EYS: variants seen among roughly 807,000 people sequenced by gnomAD.
EYS encodes EGF-like photoreceptor maintenance factor, also known as protein eyes shut homolog.
EYS carries 250 observed loss-of-function variants against 282.1 expected under a neutral mutation model. The observed-to-expected ratio is 0.89, with a 90% CI of 0.80 to 0.98. EYS has a LOEUF of 0.98. Among genes scored for constraint, EYS ranks in the 50% least tolerant of loss-of-function variants. EYS has a pLI of 0.00. For missense variants in EYS, 4,016 were observed against 3,709.0 expected, an observed-to-expected ratio of 1.08 and a Z score of -2.15; for synonymous variants, 1,355 against 1,282.9, an observed-to-expected ratio of 1.06 and a Z score of -1.20.
intron 2 of EYS, among the ~76,000 whole-genome samples, chr6:65,638,331 A>T (rs2149812055): frequency 6.6e-6 from 1 of 152,218 alleles, no homozygotes. Context: ...TTTTTTTAAG[A>T]GGCAGGACAA....
intron 35 of EYS, among the ~76,000 whole-genome samples, chr6:63,975,113 A>G (rs1766771097): frequency 6.6e-6 from 1 of 151,952 alleles, no homozygotes; most frequent in Non-Finnish European, 1.5e-5. Flanking sequence ...TGAGACAAAA[A>G]AAAAAAAGAT....
intron 30 of EYS, among the ~76,000 whole-genome samples, chr6:64,296,555 T>TATATATAC (rs1769000236): frequency 1.9e-4 from 1 of 5,386 alleles, no homozygotes; most frequent in East Asian, 3.6e-3. Flanking sequence ...TATATATATA[T>TATATATAC]ATATATATAT....
chr6:65,615,666 G>A (rs1766165207), intron 2 of EYS, among the ~76,000 whole-genome samples: 1 of 152,078 alleles, frequency 6.6e-6, no homozygotes, highest in Non-Finnish European at 1.5e-5. Context: ...CAGGTGCGGT[G>A]GCTCACGCCT....
At chr6:64,671,384 G>C (rs1020754912) in intron 22 of EYS, among the ~76,000 whole-genome samples, 1 of 152,134 alleles carries the variant, frequency 6.6e-6, no homozygotes. Context: ...AGCCATTTAA[G>C]AACCAGAGAG....
chr6:64,749,467 GT>G (rs1407979754), intron 22 of EYS, among the ~76,000 whole-genome samples: 4 of 152,074 alleles, frequency 2.6e-5, no homozygotes, highest in Admixed American at 2.6e-4. Flanking sequence ...GCAAGAAATG[GT>G]TAATTACTTA....
chr6:64,858,495 T>C (rs1766138506), intron 19 of EYS, among the ~76,000 whole-genome samples: 1 of 152,144 alleles, frequency 6.6e-6, no homozygotes, highest in Admixed American at 6.6e-5. Flanking sequence ...GTTTTTATTA[T>C]AATTGCTTTA....
At chr6:64,242,926 AC>A (rs1349692691) in intron 30 of EYS, among the ~76,000 whole-genome samples, 1 of 146,806 alleles carries the variant, frequency 6.8e-6, no homozygotes, top group East Asian at 1.9e-4. Context: ...CATATATCAT[AC>A]TCATTGATAT....
intron 22 of EYS, among the ~76,000 whole-genome samples, chr6:64,626,600 C>T (rs559841334): frequency 7.9e-5 from 12 of 152,194 alleles, no homozygotes; most frequent in African/African-American, 2.9e-4. Flanking sequence ...CGTGAACATG[C>T]ACATAAAGAT....
intron 2 of EYS, among the ~76,000 whole-genome samples, chr6:65,570,294 A>G (rs1462477099): frequency 6.6e-6 from 1 of 152,188 alleles, no homozygotes. Context: ...TAAGAATAGT[A>G]ATGAATTAGC....
intron 38 of EYS, among the ~76,000 whole-genome samples, chr6:63,788,582 A>G (rs537500054): frequency 1.3e-5 from 2 of 152,300 alleles, no homozygotes; most frequent in African/African-American, 4.8e-5. Context: ...ATCAAAAATT[A>G]GAAATCAACA....
chr6:63,785,317 G>A (rs1383626777), intron 39 of EYS, among the ~76,000 whole-genome samples: 1 of 152,126 alleles, frequency 6.6e-6, no homozygotes, highest in Admixed American at 6.5e-5. Flanking sequence ...ATTTTCACTT[G>A]TGGCCTAACC....
intron 26 of EYS, among the ~76,000 whole-genome samples, chr6:64,532,602 G>C (rs1764385247): frequency 6.6e-6 from 1 of 152,016 alleles, no homozygotes; most frequent in South Asian, 2.1e-4. Flanking sequence ...CCAGCTACTC[G>C]GGAGGCTGAG....
At chr6:65,212,080 T>C (rs1582022581) in intron 12 of EYS, among the ~76,000 whole-genome samples, 1 of 145,960 alleles carries the variant, frequency 6.9e-6, no homozygotes, top group East Asian at 1.9e-4. Flanking sequence ...AAATTATTTA[T>C]GCCAGAAAAA....
At chr6:65,681,972 C>T (rs140669701) in intron 1 of EYS, among the ~76,000 whole-genome samples, 1,535 of 152,036 alleles carry the variant, frequency 0.01, 56 homozygotes, top group Admixed American at 0.083. Context: ...ACAGCCTAAT[C>T]ACGTTGACCC....
chr6:63,903,910 A>G (rs1252991678), intron 35 of EYS, among the ~76,000 whole-genome samples: 1 of 152,216 alleles, frequency 6.6e-6, no homozygotes, highest in Non-Finnish European at 1.5e-5. Flanking sequence ...AGAATCTAAG[A>G]TGTTCTGAAA....
intron 22 of EYS, among the ~76,000 whole-genome samples, chr6:64,753,939 A>T (rs537131487): frequency 1.3e-5 from 2 of 152,250 alleles, no homozygotes; most frequent in East Asian, 1.9e-4. Context: ...CTAGAAATCA[A>T]TTCCAAAAGG....
chr6:63,885,697 T>TG (rs1773245382), intron 35 of EYS, among the ~76,000 whole-genome samples: 1 of 152,124 alleles, frequency 6.6e-6, no homozygotes, highest in African/African-American at 2.4e-5. Flanking sequence ...AAGCAGAATC[T>TG]GGGGGCATGG....
chr6:64,692,560 G>A (rs1583047855), intron 22 of EYS, among the ~76,000 whole-genome samples: 1 of 152,118 alleles, frequency 6.6e-6, no homozygotes, highest in Admixed American at 6.6e-5. Flanking sequence ...ATGTTCAGAA[G>A]AGTACTTTCT....
chr6:65,393,742 A>C (rs1370302865), intron 7 of EYS, among the ~76,000 whole-genome samples: 1 of 152,020 alleles, frequency 6.6e-6, no homozygotes, highest in East Asian at 1.9e-4. Context: ...ATAAATGCTG[A>C]AGCTGACTTG....
Sources: allele counts gnomAD v4.1 joint callset (sites outside exome capture counted in the v4.1 genomes callset), GRCh38; gene constraint gnomAD v4.1.1; transcripts MANE v1.5; gene names NCBI Gene and HGNC (gene_info 2026-07-23, HGNC 2026-07-21).